The following DNAH5 variants were observed in gnomAD, a reference collection of about 807,000 sequenced individuals.
DNAH5 encodes axonemal beta dynein heavy chain 5.
A neutral mutation model predicts 518.2 loss-of-function variants in DNAH5; 372 were observed. The observed-to-expected ratio is 0.72, with a 90% CI of 0.66 to 0.78. The LOEUF is 0.78. Ranked by LOEUF, DNAH5 falls within the 30% of genes least tolerant of loss-of-function variation. The pLI is 0.00. For synonymous variants in DNAH5, 2,039 were observed against 2,025.9 expected, an observed-to-expected ratio of 1.01 and a Z score of -0.17; for missense variants, 5,523 against 5,687.0, an observed-to-expected ratio of 0.97 and a Z score of 0.93.
intron 25 of DNAH5, among the ~76,000 whole-genome samples, chr5:13,866,817 C>A (rs1006849439): frequency 1.3e-5 from 2 of 152,152 alleles, no homozygotes; most frequent in Admixed American, 1.3e-4. Flanking sequence ...TTAATGGGTA[C>A]AAATTTTACC....
intron 42 of DNAH5, among the ~76,000 whole-genome samples, chr5:13,816,941 A>T (rs1420393630): frequency 1.3e-5 from 2 of 151,956 alleles, no homozygotes; most frequent in East Asian, 3.9e-4. Context: ...AGCTGATGTC[A>T]CCTCTTCCCA....
chr5:13,928,138 C>T lies in DNAH5; in HGVS notation c.233G>A (p.Arg78Gln), dbSNP rs755574532. 39 of 1,613,766 alleles carry T rather than the reference C, an allele frequency of 2.4e-5. No homozygotes were observed. The highest frequency in any genetic ancestry group is 3.3e-5 in the South Asian group (3 of 91,064). Reference sequence around the variant, plus strand: ...ATCTTGATAGTAAAACATGAGGTGTCGGAGACCTCCAACAGCAAAAAGTTG... The same window carrying T: ...ATCTTGATAGTAAAACATGAGGTGTTGGAGACCTCCAACAGCAAAAAGTTG... ...IDQLFAVGGLRHLMFYYQDVE... is the reference protein window; with the variant it reads ...IDQLFAVGGLQHLMFYYQDVE... The change falls in exon 3 of 79, where the codon CGA (arginine) becomes CAA (glutamine). Residue 78 changes from arginine (R) to glutamine (Q), a missense_variant. Transcript: ENST00000265104.
chr5:13,713,124 T>TATATACACACACAC (rs1554018603), intron 75 of DNAH5, among the ~76,000 whole-genome samples: 1 of 146,562 alleles, frequency 6.8e-6, no homozygotes, highest in African/African-American at 2.6e-5. Flanking sequence ...TATATATATA[T>TATATACACACACAC]ACACACACAC....
At chr5:13,993,439 T>C (rs910412435) in intron 1 of DNAH5, among the ~76,000 whole-genome samples, 1 of 152,152 alleles carries the variant, frequency 6.6e-6, no homozygotes. Context: ...GATTCTGAGA[T>C]TAATTTTACC....
chr5:13,909,791 G>T (rs1561551312), intron 12 of DNAH5, among the ~76,000 whole-genome samples: 1 of 152,084 alleles, frequency 6.6e-6, no homozygotes, highest in Non-Finnish European at 1.5e-5. Context: ...CCTCCTATCT[G>T]ACTATGAGCT....
intron 70 of DNAH5, among the ~76,000 whole-genome samples, chr5:13,727,104 T>C (rs540912668): frequency 5.3e-5 from 8 of 152,310 alleles, no homozygotes; most frequent in Admixed American, 5.2e-4. Flanking sequence ...CCCCACTCTA[T>C]TCACCCTAAT....
chr5:13,934,771 T>C (rs1468410694), intron 1 of DNAH5, among the ~76,000 whole-genome samples: 1 of 152,142 alleles, frequency 6.6e-6, no homozygotes, highest in Non-Finnish European at 1.5e-5. Context: ...AGAGACAACT[T>C]TGCTGGGGAG....
chr5:13,752,170 C>T lies in DNAH5; in HGVS notation c.10992G>A (p.Leu3664=), dbSNP rs766709160. Residue 3664 remains leucine, a synonymous_variant, in exon 64 of 79, where the codon TTG becomes TTA. Coordinates refer to ENST00000265104, the MANE Select transcript of DNAH5 (RefSeq NM_001369.3). ...EELDPALDNV[L]ERNFIKTGST... is the part of the protein sequence containing the mutation. The stretch of plus-strand genomic sequence containing the variant: ...ACCCAGTTTTAATGAAGTTTCTTTC[C>T]AAAACATTATCTAGTGCTGGATCTA... The T allele has an allele frequency of 1.9e-5, 31 of 1,613,818 alleles. No homozygotes were observed. The highest frequency in any genetic ancestry group is 2.5e-5 in the Non-Finnish European group (29 of 1,179,952).
chr5:13,780,761 C>A (rs1754983378), intron 53 of DNAH5, 68 bp downstream of exon 53: 1 of 1,563,782 alleles, frequency 6.4e-7, no homozygotes, highest in Non-Finnish European at 8.8e-7. Flanking sequence ...TGCATTTGAA[C>A]TTCAGGTGGC....
chr5:13,963,068 T>C (rs1561012408), intron 1 of DNAH5, among the ~76,000 whole-genome samples: 2 of 152,084 alleles, frequency 1.3e-5, no homozygotes, highest in African/African-American at 4.8e-5. Flanking sequence ...GTGTTTATAC[T>C]GTTCCTATCA....
rs760458638 is a variant in DNAH5, at chr5:13,850,818, A to T, written c.4951-3T>A. 4 of 1,613,936 alleles carry T rather than the reference A, an allele frequency of 2.5e-6. No homozygotes were observed. The highest frequency in any genetic ancestry group is 1.7e-5 in the Admixed American group (1 of 60,006). On this transcript the variant is annotated splice_polypyrimidine_tract_variant and splice_region_variant and intron_variant, in intron 30 of 78. Coordinates refer to ENST00000265104, the MANE Select transcript of DNAH5 (RefSeq NM_001369.3). ...ATGTTAGAAAACCGCTTGGCTTCCT[A>T]TGAGAACAAGGTAACAAAGCACACT...
intron 38 of DNAH5, among the ~76,000 whole-genome samples, chr5:13,827,857 G>C (rs933307243): frequency 2.0e-5 from 3 of 152,102 alleles, no homozygotes; most frequent in African/African-American, 7.2e-5. Context: ...CATGAGATCT[G>C]ACGGTTTTAT....
intron 44 of DNAH5, 194 bp from the exon 45 acceptor site, chr5:13,810,454 G>T: frequency 1.6e-6 from 1 of 640,584 alleles, no homozygotes; most frequent in Admixed American, 2.4e-5. Flanking sequence ...AAACATAATA[G>T]GGTTGGCCGG....
In DNAH5 at chr5:13,691,731, C is replaced by T. The variant is rs529580704; in HGVS notation, c.*253G>A. 6.2e-5 allele frequency: 30 copies of T among 485,494 alleles called. No homozygotes were observed. The highest frequency in any genetic ancestry group is 5.1e-4 in the South Asian group (23 of 45,322). The allele number at this position is 485,494 out of a possible 1,614,324, so 30.1% of individuals were successfully genotyped here. ...AAATATACTACTGTGGATTTGAGGG[C>T]CACACTTCATTAGGATGCTGTAAAT... On this transcript the variant is annotated 3_prime_UTR_variant, in exon 79 of 79. Coordinates refer to ENST00000265104, the MANE Select transcript of DNAH5 (RefSeq NM_001369.3).
At chr5:13,974,321 C>T (rs1356118672) in intron 1 of DNAH5, among the ~76,000 whole-genome samples, 1 of 151,948 alleles carries the variant, frequency 6.6e-6, no homozygotes, top group Non-Finnish European at 1.5e-5. Context: ...GATGGGGTTT[C>T]ACTATGTTGC....
At chr5:13,730,796 G>A (rs1225084634) in intron 68 of DNAH5, among the ~76,000 whole-genome samples, 1 of 151,760 alleles carries the variant, frequency 6.6e-6, no homozygotes, top group Non-Finnish European at 1.5e-5. Flanking sequence ...TGCCTCCCAG[G>A]TTCAAGCAAT....
chr5:13,763,234 T>C (rs1398878725), intron 59 of DNAH5, among the ~76,000 whole-genome samples: 2 of 152,170 alleles, frequency 1.3e-5, no homozygotes, highest in Non-Finnish European at 2.9e-5. Flanking sequence ...AGATTTTTTG[T>C]CATTAATCCT....
At chr5:13,861,504 C>T (rs1768408863) in intron 29 of DNAH5, among the ~76,000 whole-genome samples, 1 of 152,098 alleles carries the variant, frequency 6.6e-6, no homozygotes, top group African/African-American at 2.4e-5. Flanking sequence ...CCACTTTCTG[C>T]ACAATTACCA....
At chr5:13,872,742 G>T (rs1009456296) in intron 22 of DNAH5, among the ~76,000 whole-genome samples, 1 of 152,098 alleles carries the variant, frequency 6.6e-6, no homozygotes. Flanking sequence ...AAATGCTACT[G>T]CTTTGTACCA....
Sources: allele counts gnomAD v4.1 joint callset (sites outside exome capture counted in the v4.1 genomes callset), GRCh38; gene constraint gnomAD v4.1.1; transcripts MANE v1.5; gene names NCBI Gene and HGNC (gene_info 2026-07-23, HGNC 2026-07-21).